KIAA1549L: variants seen among roughly 807,000 people sequenced by gnomAD.
KIAA1549L encodes the protein KIAA1549 like.
Under a neutral mutation model 160.7 loss-of-function variants are expected in KIAA1549L, and 88 were observed. The observed-to-expected ratio is 0.55, with a 90% CI of 0.46 to 0.65. KIAA1549L has a LOEUF of 0.65. Ranked by LOEUF, KIAA1549L falls within the 30% of genes least tolerant of loss-of-function variation. The pLI, the probability that KIAA1549L is intolerant of heterozygous loss-of-function variation, is 0.00. For missense variants in KIAA1549L, 2,258 were observed against 2,437.5 expected (o/e 0.93, Z 1.55); for synonymous variants, 950 against 976.7 (o/e 0.97, Z 0.51).
At chr11:33,450,585 C>CA (rs11453430) in intron 1 of KIAA1549L, 29,064 of 124,168 alleles carry the variant, frequency 0.23, 3,262 homozygotes, top group Middle Eastern at 0.35. Context: ...ACAACAACAA[C>CA]AACAAAAAAG....
At chr11:33,654,717 C>T (rs1044591335) in intron 17 of KIAA1549L, among the ~76,000 whole-genome samples, 2 of 152,204 alleles carry the variant, frequency 1.3e-5, no homozygotes, top group Non-Finnish European at 2.9e-5. Context: ...TCAGTATTTT[C>T]ACCTCTGGTT....
At chr11:33,385,712 A>G (rs1265960432) in intron 1 of KIAA1549L, among the ~76,000 whole-genome samples, 1 of 150,572 alleles carries the variant, frequency 6.6e-6, no homozygotes, top group Non-Finnish European at 1.5e-5. Flanking sequence ...ATTTCTTTGA[A>G]TCTAGACCAT....
rs1564953199 is a variant in KIAA1549L at position 33,669,815 on chromosome 11, T to TCAAA, written c.*1665_*1668dup. 6.6e-6 allele frequency: 1 copy of TCAAA among 152,240 alleles called. No homozygotes were observed. The highest frequency in any genetic ancestry group is 1.5e-5 in the Non-Finnish European group (1 of 68,046). The allele number at this position is 152,240 out of a possible 1,614,324, so 9.4% of individuals were successfully genotyped here. On this transcript the variant is annotated 3_prime_UTR_variant, in exon 21 of 21. Coordinates refer to ENST00000658780, the MANE Select transcript of KIAA1549L (RefSeq NM_012194.3). ...TCAGAGATGATGTGTCATGGAACCTTCAAACAAGTCTCTTGTTCGGATGAT... is the reference window on the plus strand; with the variant it reads ...TCAGAGATGATGTGTCATGGAACCTTCAAACAAACAAGTCTCTTGTTCGGATGAT...
intron 20 of KIAA1549L, among the ~76,000 whole-genome samples, chr11:33,666,456 A>G (rs1455095060): frequency 6.6e-6 from 1 of 152,116 alleles, no homozygotes; most frequent in Non-Finnish European, 1.5e-5. Context: ...TCAACTTCCA[A>G]ACTCATCTAA....
At chr11:33,495,260 A>T (rs1018965270) in intron 1 of KIAA1549L, among the ~76,000 whole-genome samples, 2 of 151,848 alleles carry the variant, frequency 1.3e-5, no homozygotes, top group Non-Finnish European at 2.9e-5. Context: ...ATATCTCCCA[A>T]TGCTATCCCT....
intron 1 of KIAA1549L, among the ~76,000 whole-genome samples, chr11:33,438,847 GTT>G (rs35955927): frequency 0.16 from 22,685 of 139,370 alleles, 1,986 homozygotes; most frequent in East Asian, 0.21. Flanking sequence ...GGATTTGAAG[GTT>G]TTTTTTTTTT....
At chr11:33,647,359 C>T (rs1399147659) in intron 17 of KIAA1549L, among the ~76,000 whole-genome samples, 2 of 126,974 alleles carry the variant, frequency 1.6e-5, no homozygotes, top group African/African-American at 6.6e-5. Flanking sequence ...CTGGCTGACA[C>T]AGTAAGACTC....
chr11:33,591,051 G>C (rs1850037368), intron 11 of KIAA1549L, among the ~76,000 whole-genome samples, 186 bp from the exon 12 acceptor site: 2 of 152,212 alleles, frequency 1.3e-5, no homozygotes, highest in Non-Finnish European at 2.9e-5. Context: ...TCTGTAGCTG[G>C]ATGGAATTAA....
At chr11:33,400,229 G>C (rs1850470433) in intron 1 of KIAA1549L, among the ~76,000 whole-genome samples, 1 of 152,172 alleles carries the variant, frequency 6.6e-6, no homozygotes, top group Admixed American at 6.5e-5. Context: ...CCAATGCTAG[G>C]TAAGGTTTCC....
chr11:33,479,592 A>C (rs1852365731), intron 1 of KIAA1549L, among the ~76,000 whole-genome samples: 1 of 152,206 alleles, frequency 6.6e-6, no homozygotes, highest in Admixed American at 6.6e-5. Flanking sequence ...GAATTAGAAA[A>C]TCTGAAATGA....
At chr11:33,524,969 G>A (rs1853579438) in intron 1 of KIAA1549L, among the ~76,000 whole-genome samples, 1 of 152,200 alleles carries the variant, frequency 6.6e-6, no homozygotes, top group African/African-American at 2.4e-5. Context: ...TTAGAGAAAA[G>A]GGATTTATCA....
In KIAA1549L at chr11:33,407,238, C is replaced by T. The variant is rs796203206; in HGVS notation, c.238+30349C>T. ...TAGCTGGGACTACAGGCGCCTGCCA[C>T]CACGCCCGGCTAATTTTTTGTATTT... On this transcript the variant is annotated intron_variant, in intron 1 of 20. Transcript: ENST00000658780. 6.0e-4 allele frequency among the ~76,000 whole-genome samples: 91 copies of T among 151,796 alleles called. 1 individual carries two copies. The South Asian group carries it at 0.013, about 22-fold the overall frequency.
intron 1 of KIAA1549L, among the ~76,000 whole-genome samples, chr11:33,442,059 A>C (rs1277475412): frequency 6.6e-6 from 1 of 151,854 alleles, no homozygotes; most frequent in Non-Finnish European, 1.5e-5. Flanking sequence ...TTTAGGTCTA[A>C]CATTTAAGTC....
At chr11:33,541,176 G>A (rs1378087041) in intron 1 of KIAA1549L, among the ~76,000 whole-genome samples, 1 of 152,142 alleles carries the variant, frequency 6.6e-6, no homozygotes, top group Non-Finnish European at 1.5e-5. Flanking sequence ...TGCTTATAGT[G>A]ACACCAGGCC....
At chr11:33,631,441 G>C (rs760957733) in intron 16 of KIAA1549L, among the ~76,000 whole-genome samples, 1 of 152,180 alleles carries the variant, frequency 6.6e-6, no homozygotes, top group Non-Finnish European at 1.5e-5. Flanking sequence ...CCTCCTCGCT[G>C]TTAACACTTA....
At chr11:33,491,536 A>G (rs1005294471) in intron 1 of KIAA1549L, among the ~76,000 whole-genome samples, 6 of 152,180 alleles carry the variant, frequency 3.9e-5, no homozygotes. Flanking sequence ...TACATTTTCT[A>G]TTGGGCTATT....
At chr11:33,408,650 T>C (rs1850721841) in intron 1 of KIAA1549L, among the ~76,000 whole-genome samples, 1 of 151,574 alleles carries the variant, frequency 6.6e-6, no homozygotes, top group Admixed American at 6.6e-5. Flanking sequence ...ATATAGACTT[T>C]CCTTGGTTAG....
chr11:33,603,183 T>C (rs945605081), intron 13 of KIAA1549L, among the ~76,000 whole-genome samples: 5 of 146,018 alleles, frequency 3.4e-5, no homozygotes, highest in East Asian at 2.1e-4. Flanking sequence ...CCAATCTTTA[T>C]TGAAGGCCAA....
At chr11:33,624,671 T>G (rs1167956884) in intron 16 of KIAA1549L, among the ~76,000 whole-genome samples, 4 of 152,124 alleles carry the variant, frequency 2.6e-5, no homozygotes, top group Non-Finnish European at 5.9e-5. Flanking sequence ...CCCTATTACC[T>G]TATAAGGTTG....
Sources: gnomAD v4.1 joint callset for allele counts (sites outside exome capture counted in the v4.1 genomes callset) on GRCh38, gnomAD v4.1.1 for gene constraint, MANE v1.5 for transcripts, NCBI Gene and HGNC (gene_info 2026-07-23, HGNC 2026-07-21) for gene names.